Variants in FBXL19 observed in about 807,000 individuals in gnomAD.
FBXL19 encodes the protein F-box and leucine rich repeat protein 19, also known as F-box/LRR-repeat protein 19.
Under a neutral mutation model 71.2 loss-of-function variants are expected in FBXL19, and 16 were observed. The ratio of observed to expected loss-of-function variants is 0.22; its 90% CI spans 0.15 to 0.34. FBXL19 has a LOEUF of 0.34. Ranked by LOEUF, FBXL19 falls within the 10% of genes least tolerant of loss-of-function variation. FBXL19 has a pLI of 1.00. For missense variants in FBXL19, 658 were observed against 968.2 expected (o/e 0.68, Z 4.25); for synonymous variants, 447 against 409.4 (o/e 1.09, Z -1.11).
At chr16:30,939,995 G>A (rs1490448931) in intron 7 of FBXL19, among the ~76,000 whole-genome samples, 2 of 151,864 alleles carry the variant, frequency 1.3e-5, no homozygotes, top group African/African-American at 2.4e-5. Context: ...AGTGGCTCAC[G>A]CCTGTAATCC....
chr16:30,928,662 C>G, intron 6 of FBXL19, 34 bp downstream of exon 6: 1 of 1,477,898 alleles, frequency 6.8e-7, no homozygotes. Flanking sequence ...CCCTTCCCAC[C>G]TTCCCTTGCC....
At position 30,927,647 on chromosome 16, in the gene FBXL19, C is replaced by A. The variant is rs755082599; in HGVS notation, c.396C>A (p.Gly132=). 1 of 1,566,036 alleles carries A rather than the reference C, an allele frequency of 6.4e-7. No homozygotes were observed. The highest frequency in any genetic ancestry group is 8.7e-7 in the Non-Finnish European group (1 of 1,155,560). ...AGTGCCCTCGCTGCACCCAGGAAGG[C>A]CGCACCAGCAAGGTAGGGGCTGGGC... ...CWECPRCTQE[G]RTSKDSGEGP... Residue 132 remains glycine (G), a synonymous_variant, in exon 4 of 11, where the codon GGC becomes GGA. Transcript: ENST00000338343.
At chr16:30,932,326 G>A (rs1567339337) in intron 7 of FBXL19, among the ~76,000 whole-genome samples, 3 of 152,230 alleles carry the variant, frequency 2.0e-5, no homozygotes, top group South Asian at 2.1e-4. Context: ...CATAGAAGCA[G>A]ATAGTTACAG....
intron 9 of FBXL19, among the ~76,000 whole-genome samples, chr16:30,943,669 C>T (rs1369949326): frequency 7.9e-5 from 12 of 152,144 alleles, no homozygotes; most frequent in African/African-American, 2.6e-4. Context: ...CCACCGCACC[C>T]GGCCTGTAAT....
In FBXL19 at chr16:30,930,791, T is replaced by C. The variant is rs1185196392; in HGVS notation, c.1301+207T>C. Among the ~76,000 whole-genome samples, 1 of 152,130 alleles carries C rather than the reference T, an allele frequency of 6.6e-6. No homozygotes were observed. The highest frequency in any genetic ancestry group is 1.5e-5 in the Non-Finnish European group (1 of 68,026). ...GCTCATTTAACCCCCTAGACAACTT[T>C]GAGGTAGAGGTTATTTTCCCCTTTT... On this transcript the variant is annotated intron_variant, in intron 7 of 10. Transcript: ENST00000338343. This position sits in a 1 kb window ranked among gnomAD's most constrained non-coding sequence, Gnocchi z 8.5.
chr16:30,925,733 C>T lies in FBXL19; in HGVS notation c.-22C>T. On this transcript the variant is annotated splice_region_variant and 5_prime_UTR_variant, in exon 2 of 11. Transcript: ENST00000338343. The surrounding 1 kb of genome is among the most constrained non-coding windows in gnomAD (Gnocchi z 5.0). Reference sequence around the variant, plus strand: ...ACCCTGCCACCATCCACCTACAGCCCTCGGCGTTGCTGACGCCCCCAATGT... The same window carrying T: ...ACCCTGCCACCATCCACCTACAGCCTTCGGCGTTGCTGACGCCCCCAATGT... 6.7e-7 allele frequency: 1 copy of T among 1,490,476 alleles called. No homozygotes were observed. The highest frequency in any genetic ancestry group is 8.9e-7 in the Non-Finnish European group (1 of 1,125,984). 92.3% of individuals were successfully genotyped at this position (1,490,476 alleles called of 1,614,324 possible). A position where few individuals can be genotyped will look rare whatever the true frequency, so the allele number is the denominator to read the frequency against.
chr16:30,927,536 C>G (rs1255521132), intron 3 of FBXL19, 37 bp from the exon 4 acceptor site: 3 of 1,554,788 alleles, frequency 1.9e-6, no homozygotes, highest in African/African-American at 2.7e-5. Flanking sequence ...TCTGGGCTTC[C>G]TGGCCAACCC....
upstream of FBXL19, chr16:30,922,870 GGCGAGGTGCCCAAGGTGGTGGAAA>G: frequency 2.8e-6 from 1 of 359,772 alleles, no homozygotes; most frequent in East Asian, 7.8e-5. Flanking sequence ...ACCACAGGCG[GGCGAGGTGCCCAAGGTGGTGGAAA>G]GCGGAGACCG....
chr16:30,929,955 C>T, intron 6 of FBXL19, 118 bp from the exon 7 acceptor site: 2 of 1,374,214 alleles, frequency 1.5e-6, no homozygotes, highest in South Asian at 1.4e-5. Context: ...GGAGCAGAGC[C>T]AGGGCTGGAA....
chr16:30,924,066 G>C lies in FBXL19; in HGVS notation c.-418G>C, dbSNP rs1596648198. On this transcript the variant is annotated 5_prime_UTR_variant, in exon 1 of 11. Transcript: ENST00000338343. ...CGGGAAGGGGCCAGTTAAAGGGCCA[G>C]GGGCGCTGGGGAGAGGCGGGGCGGG... The C allele has an allele frequency of 6.6e-6, 1 of 151,290 alleles. No individual in the cohort carries two copies. The highest frequency in any genetic ancestry group is 1.5e-5 in the Non-Finnish European group (1 of 67,668). The allele number at this position is 151,290 out of a possible 1,614,324, so 9.4% of individuals were successfully genotyped here.
chr16:30,944,340 C>T (rs1215082131), intron 9 of FBXL19, among the ~76,000 whole-genome samples: 1 of 151,830 alleles, frequency 6.6e-6, no homozygotes, highest in Non-Finnish European at 1.5e-5. Flanking sequence ...GTTATTTCTC[C>T]TGATCCTCTC....
At chr16:30,933,876 C>A (rs551914955) in intron 7 of FBXL19, among the ~76,000 whole-genome samples, 39 of 152,192 alleles carry the variant, frequency 2.6e-4, no homozygotes, top group Non-Finnish European at 4.7e-4. Context: ...CCTCAGCCTC[C>A]CGAGTAGCTG....
chr16:30,933,908 A>G (rs964408874), intron 7 of FBXL19, among the ~76,000 whole-genome samples: 49 of 151,642 alleles, frequency 3.2e-4, no homozygotes, highest in African/African-American at 1.1e-3. Flanking sequence ...ATGCGCCACT[A>G]TGCCTGGCTA....
Position 30,927,874 on chromosome 16 carries a change from C to G in FBXL19, c.538C>G (p.Pro180Ala). 1 of 1,527,888 alleles carries G rather than the reference C, an allele frequency of 6.5e-7. No homozygotes were observed. Among genetic ancestry groups the G allele is most frequent in the Non-Finnish European group, 8.8e-7 (1 of 1,138,510 alleles). The allele number at this position is 1,527,888 out of a possible 1,614,324, so 94.6% of individuals were successfully genotyped here. A position where few individuals can be genotyped will look rare whatever the true frequency, so the allele number is the denominator to read the frequency against. ...CCCGCCCAGGCGCAAGGGCCCCCTG[C>G]CTGCCGGGCCCCCCCCGGAGGACGT... is the stretch of plus-strand genomic sequence containing the variant. Reference protein sequence around the residue: ...PPPPRRKGPLPAGPPPEDVPG... With the variant: ...PPPPRRKGPLAAGPPPEDVPG... The change falls in exon 5 of 11, where the codon CCT (proline) becomes GCT (alanine). Residue 180 changes from proline to alanine, a missense_variant. Around this residue, in one of 8 missense-constraint regions of FBXL19, gnomAD observed 447 missense variants for 515.4 expected, o/e 0.87. Coordinates refer to ENST00000338343, the MANE Select transcript of FBXL19 (RefSeq NM_001382779.1).
At chr16:30,944,514 A>G (rs1319846445) in intron 9 of FBXL19, among the ~76,000 whole-genome samples, 4 of 152,212 alleles carry the variant, frequency 2.6e-5, no homozygotes, top group East Asian at 1.9e-4. Flanking sequence ...TGTAAAGGAC[A>G]TGATCTTGTT....
chr16:30,924,998 T>A (rs576882088), intron 1 of FBXL19, among the ~76,000 whole-genome samples: 1 of 152,202 alleles, frequency 6.6e-6, no homozygotes, highest in African/African-American at 2.4e-5. Flanking sequence ...ACCTGAGGGA[T>A]CCAAGAGGAG....
chr16:30,947,432 A>G lies in FBXL19; in HGVS notation c.*202A>G, dbSNP rs1024801283. On this transcript the variant is annotated 3_prime_UTR_variant, in exon 11 of 11. Transcript: ENST00000338343. ...ATATCTCTGGGGGTTTCTCCTTCCT[A>G]TGTCCTGCCCCTGCTACCTGCTTCA... 33 of 563,110 alleles carry G rather than the reference A, an allele frequency of 5.9e-5. No homozygotes were observed. Among genetic ancestry groups the G allele is most frequent in the Non-Finnish European group, 9.8e-5 (31 of 316,108 alleles). The allele number at this position is 563,110 out of a possible 1,614,324, so 34.9% of individuals were successfully genotyped here. A position where few individuals can be genotyped will look rare whatever the true frequency, so the allele number is the denominator to read the frequency against.
At chr16:30,923,026 A>G (rs990332442), upstream of FBXL19, 67 of 456,750 alleles carry the variant, frequency 1.5e-4, 1 homozygote, top group Admixed American at 5.9e-4. Flanking sequence ...AAGATCGACT[A>G]CTAGTCAGGT....
At chr16:30,928,330 G>A in intron 5 of FBXL19, 137 bp from the exon 6 acceptor site, 2 of 944,882 alleles carry the variant, frequency 2.1e-6, no homozygotes, top group Non-Finnish European at 3.0e-6. Context: ...TGCAAGGTGA[G>A]CATGCTCAGA....
Sources: gnomAD v4.1 joint callset for allele counts (sites outside exome capture counted in the v4.1 genomes callset) on GRCh38, gnomAD v4.1.1 for gene constraint, gnomAD v4.1.1 regional missense constraint, Gnocchi (gnomAD v3.1) non-coding constraint, MANE v1.5 for transcripts, NCBI Gene and HGNC (gene_info 2026-07-23, HGNC 2026-07-21) for gene names.